GNAQ: variants seen among roughly 807,000 people sequenced by gnomAD.
The protein encoded by GNAQ is guanine nucleotide-binding protein G(q) subunit alpha.
Under a neutral mutation model 43.9 loss-of-function variants are expected in GNAQ, and 8 were observed. The observed-to-expected ratio is 0.18, with a 90% CI of 0.11 to 0.33. The LOEUF (loss-of-function observed/expected upper bound fraction) is 0.33. Among genes scored for constraint, GNAQ ranks in the 10% least tolerant of loss-of-function variants. The probability of loss-of-function intolerance (pLI) is 1.00; values close to 1 mark genes in which losing one functional copy is unlikely to be tolerated. For synonymous variants in GNAQ, 155 were observed against 170.7 expected, an observed-to-expected ratio of 0.91 and a Z score of 0.71; for missense variants, 158 against 450.8, an observed-to-expected ratio of 0.35 and a Z score of 5.88.
chr9:77,846,590 G>A (rs928905337), intron 2 of GNAQ, among the ~76,000 whole-genome samples: 2 of 152,106 alleles, frequency 1.3e-5, no homozygotes, highest in Non-Finnish European at 2.9e-5. Flanking sequence ...AAGGTAGGTC[G>A]GGAAGGGGCC....
At position 77,792,145 on chromosome 9, in the gene GNAQ, A is replaced by C. The variant is rs551272951; in HGVS notation, c.735+2318T>G. ...ATGGATGAAGGAATTAATGAACAGC[A>C]CTTTTCTCATGATCCCATACTATCA... is the stretch of plus-strand genomic sequence containing the variant. On this transcript the variant is annotated intron_variant, in intron 5 of 6. Coordinates refer to ENST00000286548, the MANE Select transcript of GNAQ (RefSeq NM_002072.5). 2.0e-5 allele frequency among the ~76,000 whole-genome samples: 3 copies of C among 152,282 alleles called. No individual in the cohort carries two copies. In the East Asian group the frequency reaches 5.8e-4, roughly 29 times the overall value.
chr9:77,824,382 A>G (rs1009376401), intron 2 of GNAQ, among the ~76,000 whole-genome samples: 3 of 152,222 alleles, frequency 2.0e-5, no homozygotes, highest in Non-Finnish European at 2.9e-5. Flanking sequence ...ATGGAAAGAC[A>G]TAAATATCTC....
At chr9:77,925,425 C>T (rs1829057412) in intron 1 of GNAQ, among the ~76,000 whole-genome samples, 2 of 152,162 alleles carry the variant, frequency 1.3e-5, no homozygotes, top group South Asian at 4.1e-4. Flanking sequence ...TATCCTAAAT[C>T]CATGATAATT....
In GNAQ at chr9:77,721,863, G is replaced by T. The variant is rs148315301; in HGVS notation, c.890-350C>A. Among the ~76,000 whole-genome samples, 644 of 152,320 alleles carry T rather than the reference G, an allele frequency of 4.2e-3. 6 individuals carry two copies. The highest frequency in any genetic ancestry group is 0.013 in the African/African-American group (531 of 41,578). On this transcript the variant is annotated intron_variant, in intron 6 of 6. Transcript: ENST00000286548. ...GCTTACTTCTGTTCAACTGAGTTAAGTATGCTTGTTTCAGCTATATAATAA... is the reference window on the plus strand; with the variant it reads ...GCTTACTTCTGTTCAACTGAGTTAATTATGCTTGTTTCAGCTATATAATAA...
intron 1 of GNAQ, among the ~76,000 whole-genome samples, chr9:78,016,437 G>T (rs1304800455): frequency 6.6e-6 from 1 of 152,112 alleles, no homozygotes; most frequent in East Asian, 1.9e-4. Context: ...TGTAATCCCA[G>T]CACTTTGGGA....
chr9:77,835,621 C>G (rs1827371854), intron 2 of GNAQ, among the ~76,000 whole-genome samples: 1 of 152,152 alleles, frequency 6.6e-6, no homozygotes, highest in Non-Finnish European at 1.5e-5. Context: ...AGGCACCATT[C>G]TAAGCAGTTA....
chr9:77,762,058 C>A (rs1195404474), intron 5 of GNAQ, among the ~76,000 whole-genome samples: 1 of 115,218 alleles, frequency 8.7e-6, no homozygotes, highest in Non-Finnish European at 1.9e-5. Flanking sequence ...CCAGCCGCCC[C>A]GTCCGGGAGG....
At chr9:78,026,641 T>C (rs1471019569) in intron 1 of GNAQ, among the ~76,000 whole-genome samples, 1 of 152,134 alleles carries the variant, frequency 6.6e-6, no homozygotes, top group African/African-American at 2.4e-5. Flanking sequence ...CACTGACCTC[T>C]AGGTTAATTC....
At chr9:77,726,513 C>A (rs1026196454) in intron 6 of GNAQ, among the ~76,000 whole-genome samples, 2 of 152,160 alleles carry the variant, frequency 1.3e-5, no homozygotes, top group Non-Finnish European at 2.9e-5. Context: ...AAACCTCCAT[C>A]CCTGATGTGT....
rs561499964 is a variant in GNAQ at position 77,998,228 on chromosome 9, G to A, written c.136+32872C>T. Among the ~76,000 whole-genome samples the A allele has an allele frequency of 5.9e-5, 9 of 152,282 alleles. 1 individual carries two copies. In the East Asian group the frequency reaches 1.5e-3, roughly 26 times the overall value. On this transcript the variant is annotated intron_variant, in intron 1 of 6. Transcript: ENST00000286548. ...ATCAGGATACACTCACAGTTCACCC[G>A]CAAGAGCAGACAACAAATGAGGAGA... is the stretch of plus-strand genomic sequence containing the variant.
At chr9:77,878,017 C>T (rs1475451697) in intron 2 of GNAQ, among the ~76,000 whole-genome samples, 1 of 152,164 alleles carries the variant, frequency 6.6e-6, no homozygotes, top group Non-Finnish European at 1.5e-5. Flanking sequence ...GTCCCTCTTT[C>T]CCACTAGCCT....
At chr9:77,781,514 T>C (rs1052660160) in intron 5 of GNAQ, among the ~76,000 whole-genome samples, 2 of 152,116 alleles carry the variant, frequency 1.3e-5, no homozygotes, top group Non-Finnish European at 2.9e-5. Context: ...CCTAACTCAT[T>C]ATGAGGCCAG....
Position 77,761,199 on chromosome 9 carries a change from G to C in GNAQ, c.736-32532C>G, listed in dbSNP as rs1188461243. On this transcript the variant is annotated intron_variant, in intron 5 of 6. Transcript: ENST00000286548. The stretch of plus-strand genomic sequence containing the variant: ...GCCTCCCGCCCGGCCAGTGAGGGGC[G>C]CCTCTGCCCAGCTGCCCCTACTGGG... 2.1e-5 allele frequency among the ~76,000 whole-genome samples: 3 copies of C among 140,192 alleles called. No individual in the cohort carries two copies. In the South Asian group the frequency reaches 6.9e-4, roughly 32 times the overall value. 92.0% of individuals were successfully genotyped at this position (140,192 alleles called of 152,430 possible).
intron 1 of GNAQ, among the ~76,000 whole-genome samples, chr9:77,999,405 G>C (rs1170374521): frequency 6.6e-6 from 1 of 152,154 alleles, no homozygotes; most frequent in African/African-American, 2.4e-5. Flanking sequence ...GGCTTGATGG[G>C]CAAAAGTTTC....
intron 1 of GNAQ, among the ~76,000 whole-genome samples, chr9:77,979,400 A>C (rs1823342106): frequency 6.6e-6 from 1 of 151,932 alleles, no homozygotes; most frequent in South Asian, 2.1e-4. Flanking sequence ...ATTAAAATAT[A>C]TGAAAGAACT....
At chr9:77,996,209 C>T (rs1016751701) in intron 1 of GNAQ, among the ~76,000 whole-genome samples, 1 of 152,174 alleles carries the variant, frequency 6.6e-6, no homozygotes, top group African/African-American at 2.4e-5. Flanking sequence ...CACTTTCTAC[C>T]TACTTATCTT....
In GNAQ at chr9:77,927,188, T is replaced by G. The variant is rs976864687; in HGVS notation, c.137-4843A>C. On this transcript the variant is annotated intron_variant, in intron 1 of 6. Coordinates refer to ENST00000286548, the MANE Select transcript of GNAQ (RefSeq NM_002072.5). The stretch of plus-strand genomic sequence containing the variant: ...AAAATCTGTATTTACTCTATGTGTC[T>G]GATTCACATAAGCCATATATATGTT... 3.9e-5 allele frequency among the ~76,000 whole-genome samples: 6 copies of G among 152,334 alleles called. No homozygotes were observed. In the East Asian group the frequency reaches 7.7e-4, roughly 20 times the overall value.
At chr9:77,910,534 C>A (rs747230108) in intron 2 of GNAQ, among the ~76,000 whole-genome samples, 1 of 152,126 alleles carries the variant, frequency 6.6e-6, no homozygotes, top group African/African-American at 2.4e-5. Context: ...GGTCATTCTG[C>A]GCAGGTTTGT....
chr9:77,842,701 A>C (rs2117888919), intron 2 of GNAQ, among the ~76,000 whole-genome samples: 1 of 152,232 alleles, frequency 6.6e-6, no homozygotes, highest in South Asian at 2.1e-4. Flanking sequence ...GTCTTGGATG[A>C]ATAGCACCTC....
Sources: allele counts gnomAD v4.1 joint callset (sites outside exome capture counted in the v4.1 genomes callset), GRCh38; gene constraint gnomAD v4.1.1; transcripts MANE v1.5; gene names NCBI Gene and HGNC (gene_info 2026-07-23, HGNC 2026-07-21).